The following AFM variants were observed in gnomAD, a reference collection of about 807,000 sequenced individuals.
AFM encodes afamin.
In AFM, 82 loss-of-function variants were observed where a neutral mutation model predicts 68.7. The ratio of observed to expected loss-of-function variants is 1.19; its 90% CI spans 1.00 to 1.43. The LOEUF (loss-of-function observed/expected upper bound fraction) is 1.43. AFM is among the 40% of genes most tolerant of loss of function. The pLI is 0.00. For missense variants in AFM, 772 were observed against 701.8 expected (o/e 1.10, Z -1.13); for synonymous variants, 250 against 234.2 (o/e 1.07, Z -0.61).
chr4:73,493,711 G>A (rs1721166065), intron 8 of AFM, among the ~76,000 whole-genome samples: 1 of 152,170 alleles, frequency 6.6e-6, no homozygotes, highest in African/African-American at 2.4e-5. Flanking sequence ...GGATTCAAAT[G>A]CAAGCAGTGT....
chr4:73,496,814 G>A (rs1368974230), intron 9 of AFM, among the ~76,000 whole-genome samples: 2 of 152,010 alleles, frequency 1.3e-5, no homozygotes, highest in Non-Finnish European at 2.9e-5. Flanking sequence ...ATACATATTA[G>A]AGAAATTAAT....
intron 8 of AFM, among the ~76,000 whole-genome samples, chr4:73,493,980 A>G (rs1278590101): frequency 6.6e-6 from 1 of 152,130 alleles, no homozygotes; most frequent in Non-Finnish European, 1.5e-5. Flanking sequence ...TGAACATTTT[A>G]GGCAAGTCCT....
chr4:73,501,369 ATCTTT>A (rs1371321228), intron 12 of AFM, among the ~76,000 whole-genome samples: 1 of 152,094 alleles, frequency 6.6e-6, no homozygotes, highest in African/African-American at 2.4e-5. Flanking sequence ...TAAAACATTT[ATCTTT>A]TCTTTGTACT....
chr4:73,486,897 C>T, intron 4 of AFM, 70 bp from the exon 5 acceptor site: 7 of 1,488,634 alleles, frequency 4.7e-6, no homozygotes, highest in Non-Finnish European at 6.4e-6. Context: ...CTTCCCTTCC[C>T]TTGTCTACAT....
At chr4:73,495,251 T>G in intron 8 of AFM, 49 bp from the exon 9 acceptor site, 1 of 1,523,732 alleles carries the variant, frequency 6.6e-7, no homozygotes. Flanking sequence ...GGAATTGGGT[T>G]TTTTGCTCTT....
At chr4:73,485,803 A>G in intron 3 of AFM, 59 bp from the exon 4 acceptor site, 1 of 1,360,314 alleles carries the variant, frequency 7.4e-7, no homozygotes, top group Non-Finnish European at 1.0e-6. Context: ...TTTCTCAGTG[A>G]GTACAGAAGC....
At chr4:73,498,785 T>C (rs1721331452) in intron 10 of AFM, among the ~76,000 whole-genome samples, 1 of 152,186 alleles carries the variant, frequency 6.6e-6, no homozygotes, top group Non-Finnish European at 1.5e-5. Context: ...TATTTTCTAA[T>C]GATGTAAATT....
chr4:73,497,770 G>GCCCACTTGT, intron 10 of AFM, 21 bp downstream of exon 10: 1 of 1,424,936 alleles, frequency 7.0e-7, no homozygotes, highest in Non-Finnish European at 9.8e-7. Flanking sequence ...TGCACAAGTG[G>GCCCACTTGT]GCTAACACTT....
chr4:73,501,180 CATT>C lies in AFM; in HGVS notation c.1647-603_1647-601del, dbSNP rs1333020689. 2.0e-5 allele frequency among the ~76,000 whole-genome samples: 3 copies of C among 151,630 alleles called. No individual in the cohort carries two copies. In the East Asian group the frequency reaches 5.8e-4, roughly 29 times the overall value. Reference sequence around the variant, plus strand: ...AGAATTTACTAGAAAATAAGGAAATCATTATTGTCTATGGCTGTTGTCACACTT... The same window carrying C: ...AGAATTTACTAGAAAATAAGGAAATCATTGTCTATGGCTGTTGTCACACTT... On this transcript the variant is annotated intron_variant, in intron 12 of 14. Coordinates refer to ENST00000226355, the MANE Select transcript of AFM (RefSeq NM_001133.2).
intron 8 of AFM, among the ~76,000 whole-genome samples, chr4:73,494,040 T>C (rs1721175909): frequency 7.0e-6 from 1 of 143,028 alleles, no homozygotes; most frequent in African/African-American, 2.6e-5. Context: ...TTCTTCACAG[T>C]ATTTTGAGAC....
At chr4:73,488,012 A>G (rs1720956383) in intron 6 of AFM, among the ~76,000 whole-genome samples, 191 bp downstream of exon 6, 1 of 152,048 alleles carries the variant, frequency 6.6e-6, no homozygotes, top group Non-Finnish European at 1.5e-5. Flanking sequence ...GGAGGTGAGG[A>G]GACCCAAAAG....
At chr4:73,487,585 G>T (rs1187004278) in intron 5 of AFM, 139 bp from the exon 6 acceptor site, 1 of 621,432 alleles carries the variant, frequency 1.6e-6, no homozygotes, top group South Asian at 2.0e-5. Flanking sequence ...TTTAATATGT[G>T]TGTTTACTGA....
chr4:73,498,657 C>T (rs1267727658), intron 10 of AFM, among the ~76,000 whole-genome samples: 1 of 152,160 alleles, frequency 6.6e-6, no homozygotes, highest in Admixed American at 6.5e-5. Context: ...TCTGACTTTC[C>T]TATTTCTGCA....
intron 9 of AFM, 132 bp downstream of exon 9, chr4:73,495,564 C>T (rs1577979109): frequency 8.7e-7 from 1 of 1,147,842 alleles, no homozygotes; most frequent in East Asian, 2.6e-5. Context: ...ACTGTAGATT[C>T]AGCCTAAGAA....
chr4:73,489,229 C>CA lies in AFM; in HGVS notation c.843+470_843+471insA, dbSNP rs1401238780. Among the ~76,000 whole-genome samples, 3 of 152,194 alleles carry CA rather than the reference C, an allele frequency of 2.0e-5. No individual in the cohort carries two copies. In the East Asian group the frequency reaches 5.8e-4, roughly 29 times the overall value. On this transcript the variant is annotated intron_variant, in intron 7 of 14. Transcript: ENST00000226355. Reference sequence around the variant, plus strand: ...TTAATTTAACTTTTCTTTTCCCTTTCTCTTTTGGTTCCTTTTTCCTTACCT... The same window carrying CA: ...TTAATTTAACTTTTCTTTTCCCTTTCATCTTTTGGTTCCTTTTTCCTTACCT...
rs185125120 is a variant in AFM, at chr4:73,487,381, G to A, written c.615+282G>A. Reference sequence around the variant, plus strand: ...TGAGTGAATGCCCAGGGTGAATGATGACATTTTATCTTTTATCTTTGACAA... The same window carrying A: ...TGAGTGAATGCCCAGGGTGAATGATAACATTTTATCTTTTATCTTTGACAA... On this transcript the variant is annotated intron_variant, in intron 5 of 14. Transcript: ENST00000226355. Among the ~76,000 whole-genome samples, 615 of 152,240 alleles carry A rather than the reference G, an allele frequency of 4.0e-3. 15 individuals carry two copies. Among genetic ancestry groups the A allele is most frequent in the Admixed American group, 0.033 (506 of 15,292 alleles).
At chr4:73,485,158 C>T (rs1199500648) in intron 3 of AFM, among the ~76,000 whole-genome samples, 1 of 152,094 alleles carries the variant, frequency 6.6e-6, no homozygotes, top group Non-Finnish European at 1.5e-5. Context: ...ATTGTTACAT[C>T]CCTTTTCTGG....
At chr4:73,490,770 G>T (rs963246656) in intron 7 of AFM, among the ~76,000 whole-genome samples, 2 of 152,106 alleles carry the variant, frequency 1.3e-5, no homozygotes, top group Admixed American at 1.3e-4. Flanking sequence ...AGAAATAAGA[G>T]GAATTGAATT....
At chr4:73,488,877 C>G in intron 7 of AFM, 118 bp downstream of exon 7, 1 of 976,936 alleles carries the variant, frequency 1.0e-6, no homozygotes, top group South Asian at 1.6e-5. Flanking sequence ...TGTGATTTAA[C>G]TTTTGAATGA....
Sources: gnomAD v4.1 joint callset for allele counts (sites outside exome capture counted in the v4.1 genomes callset) on GRCh38, gnomAD v4.1.1 for gene constraint, MANE v1.5 for transcripts, NCBI Gene and HGNC (gene_info 2026-07-23, HGNC 2026-07-21) for gene names.